Variants in SYK observed in about 807,000 individuals in gnomAD.
SYK encodes the protein spleen associated tyrosine kinase.
SYK carries 16 observed loss-of-function variants against 77.8 expected under a neutral mutation model. The ratio of observed to expected loss-of-function variants is 0.21; its 90% CI spans 0.14 to 0.31. The LOEUF (loss-of-function observed/expected upper bound fraction) is 0.31. SYK is among the 10% of genes least tolerant of loss of function. SYK has a pLI of 1.00. For missense variants in SYK, 529 were observed against 814.4 expected (o/e 0.65, Z 4.26); for synonymous variants, 312 against 308.7 (o/e 1.01, Z -0.11).
intron 1 of SYK, among the ~76,000 whole-genome samples, chr9:90,834,235 T>C (rs1182792403): frequency 6.6e-6 from 1 of 152,242 alleles, no homozygotes; most frequent in Admixed American, 6.5e-5. Context: ...TGCCTTCTTA[T>C]GAAGTGTGGG....
At chr9:90,811,336 G>A (rs1217772358) in intron 1 of SYK, among the ~76,000 whole-genome samples, 3 of 152,112 alleles carry the variant, frequency 2.0e-5, no homozygotes, top group Admixed American at 1.3e-4. Context: ...TGACAGGGCC[G>A]TTTGGTAATA....
At chr9:90,855,704 G>C (rs1051256500) in intron 3 of SYK, among the ~76,000 whole-genome samples, 1 of 152,020 alleles carries the variant, frequency 6.6e-6, no homozygotes, top group African/African-American at 2.4e-5. Flanking sequence ...GTGTGAGAGA[G>C]AGAGAGAGAG....
At chr9:90,848,994 G>T (rs746591101) in intron 3 of SYK, among the ~76,000 whole-genome samples, 3 of 152,226 alleles carry the variant, frequency 2.0e-5, no homozygotes, top group Admixed American at 6.5e-5. Flanking sequence ...TGGCAGGAGC[G>T]TGCCTGGGGA....
chr9:90,838,234 A>C (rs1327770026), intron 1 of SYK, among the ~76,000 whole-genome samples: 2 of 152,244 alleles, frequency 1.3e-5, no homozygotes, highest in Non-Finnish European at 2.9e-5. Context: ...CTTATTCTGC[A>C]CTAGGAGCTG....
chr9:90,863,191 C>G (rs143293510), intron 4 of SYK, among the ~76,000 whole-genome samples: 1 of 152,178 alleles, frequency 6.6e-6, no homozygotes, highest in African/African-American at 2.4e-5. Flanking sequence ...AACAGTACTT[C>G]GTGCATCATC....
chr9:90,814,618 C>T (rs1040045059), intron 1 of SYK, among the ~76,000 whole-genome samples: 3 of 152,188 alleles, frequency 2.0e-5, no homozygotes, highest in Non-Finnish European at 4.4e-5. Context: ...CTCAGTGCCA[C>T]TCCTTGCCTA....
At chr9:90,860,342 T>C (rs1291005063) in intron 3 of SYK, among the ~76,000 whole-genome samples, 1 of 152,250 alleles carries the variant, frequency 6.6e-6, no homozygotes, top group Non-Finnish European at 1.5e-5. Flanking sequence ...CACTGATATG[T>C]ATAGAATAAA....
intron 12 of SYK, 31 bp from the exon 13 acceptor site, chr9:90,888,484 A>G (rs1389337450): frequency 2.6e-6 from 4 of 1,533,268 alleles, no homozygotes; most frequent in Non-Finnish European, 3.5e-6. Context: ...TTTAAAAAAA[A>G]AAAAGCTTAT....
chr9:90,893,053 A>C (rs563491983), intron 13 of SYK, among the ~76,000 whole-genome samples: 15 of 152,350 alleles, frequency 9.8e-5, no homozygotes, highest in African/African-American at 3.1e-4. Flanking sequence ...CCTGCTATGC[A>C]GGCTGCCACC....
At position 90,847,409 on chromosome 9, in the gene SYK, T is replaced by TGGGTTCTTATTCCC. The variant is rs1363729874; in HGVS notation, c.578+1827_578+1828insCCGGGTTCTTATTC. 4.6e-5 allele frequency among the ~76,000 whole-genome samples: 7 copies of TGGGTTCTTATTCCC among 152,356 alleles called. No individual in the cohort carries two copies. The East Asian group carries it at 9.7e-4, about 21-fold the overall frequency. On this transcript the variant is annotated intron_variant, in intron 3 of 13. Transcript: ENST00000375754. ...TCTTCTTCTCCTGGGTTCTTATTCC[T>TGGGTTCTTATTCCC]GGGTTCTTATTCTCCTGGGTTCTTA...
chr9:90,893,361 AGGT>A (rs1365286753), intron 13 of SYK, among the ~76,000 whole-genome samples: 1 of 152,220 alleles, frequency 6.6e-6, no homozygotes, highest in African/African-American at 2.4e-5. Flanking sequence ...AAGGGACTAC[AGGT>A]GGTCCTAGTA....
chr9:90,821,148 T>G (rs1046821940), intron 1 of SYK, among the ~76,000 whole-genome samples: 6 of 152,170 alleles, frequency 3.9e-5, no homozygotes, highest in African/African-American at 1.2e-4. Context: ...TCAAAACCAT[T>G]CAACAAGTCT....
chr9:90,890,305 G>T (rs560634884), intron 13 of SYK, among the ~76,000 whole-genome samples: 3 of 152,196 alleles, frequency 2.0e-5, no homozygotes, highest in Non-Finnish European at 4.4e-5. Context: ...CTGCTGGGCC[G>T]ACCTCTGTCC....
At chr9:90,855,741 C>T (rs1022955195) in intron 3 of SYK, among the ~76,000 whole-genome samples, 1 of 150,892 alleles carries the variant, frequency 6.6e-6, no homozygotes, top group African/African-American at 2.4e-5. Flanking sequence ...AAAGAAAGAA[C>T]CATCTGGAGG....
At chr9:90,812,251 T>A (rs1020654301) in intron 1 of SYK, among the ~76,000 whole-genome samples, 1 of 152,180 alleles carries the variant, frequency 6.6e-6, no homozygotes, top group African/African-American at 2.4e-5. Flanking sequence ...AGAAAAATGA[T>A]AATAATAAGG....
Position 90,895,820 on chromosome 9 carries a change from G to C in SYK, c.*220G>C, listed in dbSNP as rs56139234. ...AAAGACGGATGGCAGGATCCAAGGGGCTAGCTGGATTTGTTTGTTTTCTTG... is the reference window on the plus strand; with the variant it reads ...AAAGACGGATGGCAGGATCCAAGGGCCTAGCTGGATTTGTTTGTTTTCTTG... On this transcript the variant is annotated 3_prime_UTR_variant, in exon 14 of 14. Transcript: ENST00000375754. The surrounding 1 kb of genome is among the most constrained non-coding windows in gnomAD (Gnocchi z 4.4). 22 of 530,064 alleles carry C rather than the reference G, an allele frequency of 4.2e-5. No homozygotes were observed. Among genetic ancestry groups the C allele is most frequent in the Non-Finnish European group, 6.5e-5 (19 of 293,892 alleles). 32.8% of individuals were successfully genotyped at this position (530,064 alleles called of 1,614,324 possible). A position where few individuals can be genotyped will look rare whatever the true frequency, so the allele number is the denominator to read the frequency against.
At chr9:90,866,854 C>T (rs548807236) in intron 6 of SYK, among the ~76,000 whole-genome samples, 7 of 152,300 alleles carry the variant, frequency 4.6e-5, no homozygotes, top group South Asian at 4.1e-4. Flanking sequence ...AATAATTCCA[C>T]GTGAAGCATG....
At chr9:90,856,744 T>C (rs952102599) in intron 3 of SYK, among the ~76,000 whole-genome samples, 1 of 152,224 alleles carries the variant, frequency 6.6e-6, no homozygotes, top group East Asian at 1.9e-4. Context: ...CCGAAACTTT[T>C]GGAGGATGTA....
intron 1 of SYK, among the ~76,000 whole-genome samples, chr9:90,821,706 C>T (rs1170869539): frequency 6.6e-6 from 1 of 151,966 alleles, no homozygotes; most frequent in African/African-American, 2.4e-5. Context: ...CCTCCTTTCA[C>T]CTCATATTAT....
Sources: gnomAD v4.1 joint callset for allele counts (sites outside exome capture counted in the v4.1 genomes callset) on GRCh38, gnomAD v4.1.1 for gene constraint, Gnocchi (gnomAD v3.1) non-coding constraint, MANE v1.5 for transcripts, NCBI Gene and HGNC (gene_info 2026-07-23, HGNC 2026-07-21) for gene names.